The following PIK3C2G variants were observed in gnomAD, a reference collection of about 807,000 sequenced individuals.
PIK3C2G encodes the protein phosphatidylinositol 3-kinase C2 domain-containing subunit gamma.
A neutral mutation model predicts 181.1 loss-of-function variants in PIK3C2G; 168 were observed. The observed-to-expected ratio is 0.93, with a 90% CI of 0.82 to 1.05. The LOEUF is 1.05. Among genes scored for constraint, PIK3C2G ranks in the 50% least tolerant of loss-of-function variants. The pLI is 0.00. For missense variants in PIK3C2G, 1,869 were observed against 1,732.8 expected, an observed-to-expected ratio of 1.08 and a Z score of -1.40; for synonymous variants, 573 against 592.2, an observed-to-expected ratio of 0.97 and a Z score of 0.47.
upstream of PIK3C2G, among the ~76,000 whole-genome samples, chr12:18,256,562 A>G (rs1948148035): frequency 6.6e-6 from 1 of 151,944 alleles, no homozygotes; most frequent in African/African-American, 2.4e-5. Context: ...TCAGAGGCCT[A>G]TTTACTGCCG....
chr12:18,458,652 A>C (rs985864434), intron 18 of PIK3C2G, among the ~76,000 whole-genome samples: 1 of 152,062 alleles, frequency 6.6e-6, no homozygotes, highest in African/African-American at 2.4e-5. Flanking sequence ...GAGTGGGCCC[A>C]ACTAATCACT....
intron 18 of PIK3C2G, among the ~76,000 whole-genome samples, chr12:18,477,171 C>T (rs1444707456): frequency 6.6e-6 from 1 of 152,106 alleles, no homozygotes; most frequent in African/African-American, 2.4e-5. Context: ...GTCTTATGAC[C>T]TCATTTAACC....
intron 30 of PIK3C2G, among the ~76,000 whole-genome samples, chr12:18,599,552 G>A (rs1284189750): frequency 6.6e-6 from 1 of 151,894 alleles, no homozygotes; most frequent in African/African-American, 2.4e-5. Flanking sequence ...AATGCTAGAT[G>A]ACGAGTTAGT....
At chr12:18,488,316 C>A in intron 18 of PIK3C2G, 133 bp from the exon 19 acceptor site, 2 of 436,830 alleles carry the variant, frequency 4.6e-6, no homozygotes. Context: ...CAACATTTTC[C>A]CCATTCTAGG....
intron 1 of PIK3C2G, among the ~76,000 whole-genome samples, chr12:18,265,625 C>G (rs752147569): frequency 2.6e-5 from 4 of 151,896 alleles, no homozygotes; most frequent in Admixed American, 6.6e-5. Context: ...TTGCATGTCT[C>G]TGTGTGTGTG....
At chr12:18,598,261 A>T (rs1439555995) in intron 30 of PIK3C2G, among the ~76,000 whole-genome samples, 1 of 151,910 alleles carries the variant, frequency 6.6e-6, no homozygotes, top group Non-Finnish European at 1.5e-5. Flanking sequence ...CTACAAGGCT[A>T]CAGTAACCAA....
chr12:18,637,363 T>G (rs1831357589), intron 31 of PIK3C2G, among the ~76,000 whole-genome samples: 1 of 151,988 alleles, frequency 6.6e-6, no homozygotes, highest in African/African-American at 2.4e-5. Context: ...TCTCTGTTTT[T>G]ATGATTCAGG....
chr12:18,488,086 G>C (rs1441553463), intron 18 of PIK3C2G, among the ~76,000 whole-genome samples: 3 of 152,066 alleles, frequency 2.0e-5, no homozygotes, highest in Non-Finnish European at 4.4e-5. Context: ...TCTCCATATA[G>C]TACAGTCACT....
At position 18,563,479 on chromosome 12, in the gene PIK3C2G, G is replaced by A; in HGVS notation, c.3883G>A (p.Ala1295Thr). 1.2e-6 allele frequency: 2 copies of A among 1,613,752 alleles called. No individual in the cohort carries two copies. The highest frequency in any genetic ancestry group is 1.7e-6 in the Non-Finnish European group (2 of 1,179,768). ...TCACAGCCAACTTCAGAAGCAGTTT[G>A]CATCACTGACTCTCCCAGAGTAAGG... Reference protein sequence around the residue: ...KLHSQLQKQFASLTLPEFPHW... With the variant: ...KLHSQLQKQFTSLTLPEFPHW... Residue 1295 changes from alanine to threonine, a missense_variant, in exon 28 of 33, where the codon GCA (alanine) becomes ACA (threonine). Transcript: ENST00000538779.
In PIK3C2G at chr12:18,346,824, C is replaced by A; in HGVS notation, c.1613C>A (p.Thr538Asn). The A allele has an allele frequency of 6.2e-7, 1 of 1,609,804 alleles. No homozygotes were observed. The highest frequency in any genetic ancestry group is 8.5e-7 in the Non-Finnish European group (1 of 1,177,664). Residue 538 changes from threonine (T) to asparagine (N), a missense_variant, in exon 11 of 33, where the codon ACC becomes AAC. Coordinates refer to ENST00000538779, the MANE Select transcript of PIK3C2G (RefSeq NM_001288772.2). Reference sequence around the variant, plus strand: ...TATGCAGCACACAACATTCCAGAAACCTGGGTGCACAGGTGAGTGGTGGTG... The same window carrying A: ...TATGCAGCACACAACATTCCAGAAAACTGGGTGCACAGGTGAGTGGTGGTG... Reference protein sequence around the residue: ...TVYAAHNIPETWVHSYKAFSF... With the variant: ...TVYAAHNIPENWVHSYKAFSF...
intron 26 of PIK3C2G, among the ~76,000 whole-genome samples, chr12:18,559,809 TATATATATATATAGAGAGAGAGAGAGAG>T (rs1342881000): frequency 8.6e-3 from 322 of 37,282 alleles, no homozygotes; most frequent in Middle Eastern, 0.015. Flanking sequence ...TATATATATA[TATATATATATATAGAGAGAGAGAGAGAG>T]AGAGAGAGAG....
chr12:18,329,233 CAT>C (rs1052054431), intron 8 of PIK3C2G, among the ~76,000 whole-genome samples: 5 of 152,032 alleles, frequency 3.3e-5, no homozygotes, highest in African/African-American at 9.6e-5. Flanking sequence ...GAAGGAATAA[CAT>C]GATCTGACAT....
the PIK3C2G span, chr12:18,714,674 T>C: frequency 6.6e-6 from 1 of 152,128 alleles, no homozygotes; most frequent in Non-Finnish European, 1.5e-5. Context: ...TACAGGCTAC[T>C]GGTTTTCCAC....
At chr12:18,263,227 G>A (rs1948325719) in intron 1 of PIK3C2G, among the ~76,000 whole-genome samples, 1 of 151,906 alleles carries the variant, frequency 6.6e-6, no homozygotes, top group East Asian at 1.9e-4. Flanking sequence ...ATTTAAAAAT[G>A]TTTTTTAAGT....
chr12:18,686,904 C>T, the PIK3C2G span, among the ~76,000 whole-genome samples: 1 of 151,994 alleles, frequency 6.6e-6, no homozygotes, highest in African/African-American at 2.4e-5. Context: ...CCATAAAATC[C>T]AAGGAGGTAA....
intron 18 of PIK3C2G, among the ~76,000 whole-genome samples, chr12:18,434,148 G>A (rs536269901): frequency 1.1e-4 from 16 of 152,290 alleles, no homozygotes; most frequent in African/African-American, 3.9e-4. Context: ...CTTGAACACT[G>A]CATCTTCCAG....
intron 23 of PIK3C2G, among the ~76,000 whole-genome samples, chr12:18,504,629 G>A (rs546286505): frequency 1.1e-4 from 16 of 152,258 alleles, no homozygotes; most frequent in Admixed American, 5.9e-4. Context: ...ATGAAATGAT[G>A]TATACCCAGG....
intron 31 of PIK3C2G, among the ~76,000 whole-genome samples, chr12:18,636,301 C>T (rs1048349130): frequency 4.6e-5 from 7 of 152,116 alleles, no homozygotes; most frequent in Non-Finnish European, 1.0e-4. Context: ...GGCACGATCT[C>T]GGCTCACCGC....
chr12:18,601,149 T>C lies in PIK3C2G; in HGVS notation c.4087+6580T>C, dbSNP rs1021758130. Among the ~76,000 whole-genome samples, 3 of 152,058 alleles carry C rather than the reference T, an allele frequency of 2.0e-5. No individual in the cohort carries two copies. The South Asian group carries it at 6.2e-4, about 32-fold the overall frequency. ...TGCAAGAACAGTTCAATATTAGTACTATACATAATATATAATACATATTAT... is the reference window on the plus strand; with the variant it reads ...TGCAAGAACAGTTCAATATTAGTACCATACATAATATATAATACATATTAT... On this transcript the variant is annotated intron_variant, in intron 30 of 32. Coordinates refer to ENST00000538779, the MANE Select transcript of PIK3C2G (RefSeq NM_001288772.2).
Sources: allele counts gnomAD v4.1 joint callset (sites outside exome capture counted in the v4.1 genomes callset), GRCh38; gene constraint gnomAD v4.1.1; transcripts MANE v1.5; gene names NCBI Gene and HGNC (gene_info 2026-07-23, HGNC 2026-07-21).